The following EPB41L4A variants were observed in gnomAD, a reference collection of about 807,000 sequenced individuals.
EPB41L4A encodes erythrocyte membrane protein band 4.1 like 4A.
A neutral mutation model predicts 108.6 loss-of-function variants in EPB41L4A; 100 were observed. The ratio of observed to expected loss-of-function variants is 0.92; its 90% CI spans 0.78 to 1.09. The LOEUF (loss-of-function observed/expected upper bound fraction) is 1.09, where lower values mean the gene tolerates loss of function less well. Among genes scored for constraint, EPB41L4A ranks in the 50% least tolerant of loss-of-function variants. The pLI, the probability that EPB41L4A is intolerant of heterozygous loss-of-function variation, is 0.00. For missense variants in EPB41L4A, 1,030 were observed against 842.7 expected (o/e 1.22, Z -2.75); for synonymous variants, 319 against 289.0 (o/e 1.10, Z -1.05).
rs1043617645 is a variant in EPB41L4A, at chr5:112,259,898, A to C, written c.724T>G (p.Tyr242Asp). Residue 242 changes from tyrosine to aspartate, a missense_variant, in exon 8 of 23, where the codon TAT becomes GAT. By Grantham distance (160) the Tyr-to-Asp change is radical. Transcript: ENST00000261486. Reference protein sequence around the residue: ...VYKNKKQVGKYFWPRITKVHF... With the variant: ...VYKNKKQVGKDFWPRITKVHF... ...TTCTCAAGCCATACCTACCAGAAAT[A>C]CTTCCCCACTTGCTTTTTATTCTTG... The C allele has an allele frequency of 6.2e-7, 1 of 1,613,156 alleles. No homozygotes were observed. Among genetic ancestry groups the C allele is most frequent in the Admixed American group, 1.7e-5 (1 of 59,998 alleles).
In EPB41L4A at chr5:112,220,218, A is replaced by T. The variant is rs1747951684; in HGVS notation, c.1088-10236T>A. Among the ~76,000 whole-genome samples, 4 of 152,240 alleles carry T rather than the reference A, an allele frequency of 2.6e-5. 1 individual carries two copies. The highest frequency in any genetic ancestry group is 2.0e-4 in the Admixed American group (3 of 15,282). Reference sequence around the variant, plus strand: ...TAAAGACATCACCACTGAGTCAAAGAACTTCTAAGGAGTTAGATATCTAAC... The same window carrying T: ...TAAAGACATCACCACTGAGTCAAAGTACTTCTAAGGAGTTAGATATCTAAC... On this transcript the variant is annotated intron_variant, in intron 12 of 22. Transcript: ENST00000261486.
At chr5:112,339,489 T>TTTTTTTTTTTTTTAGACAG (rs1757138287) in intron 1 of EPB41L4A, among the ~76,000 whole-genome samples, 1 of 58,930 alleles carries the variant, frequency 1.7e-5, no homozygotes, top group African/African-American at 4.0e-5. Context: ...TATATATATA[T>TTTTTTTTTTTTTTAGACAG]ATATATCTAT....
chr5:112,405,284 T>C (rs970559504), intron 1 of EPB41L4A, among the ~76,000 whole-genome samples: 3 of 152,186 alleles, frequency 2.0e-5, no homozygotes, highest in Non-Finnish European at 4.4e-5. Flanking sequence ...GCTGCCCATA[T>C]CCACCATCTC....
At position 112,224,674 on chromosome 5, in the gene EPB41L4A, C is replaced by G. The variant is rs115968946; in HGVS notation, c.1087+9960G>C. 5.3e-3 allele frequency among the ~76,000 whole-genome samples: 810 copies of G among 152,240 alleles called. 5 individuals carry two copies. The highest frequency in any genetic ancestry group is 0.018 in the African/African-American group (761 of 41,552). On this transcript the variant is annotated intron_variant, in intron 12 of 22. Transcript: ENST00000261486. ...TTTTTTAAGCTCCCCTACCACCCCA[C>G]TAAGTCGCTTCTCAATTAAATGGCT...
At chr5:112,195,373 T>G (rs565098993) in intron 16 of EPB41L4A, among the ~76,000 whole-genome samples, 6 of 151,818 alleles carry the variant, frequency 4.0e-5, no homozygotes, top group African/African-American at 1.5e-4. Flanking sequence ...GACAGAATTA[T>G]ACTAGATAAA....
chr5:112,402,634 A>G (rs1761841010), intron 1 of EPB41L4A, among the ~76,000 whole-genome samples: 1 of 152,226 alleles, frequency 6.6e-6, no homozygotes, highest in Admixed American at 6.5e-5. Context: ...GACATTTATC[A>G]CATAAAATCA....
chr5:112,297,851 C>T (rs911585899), intron 2 of EPB41L4A, among the ~76,000 whole-genome samples: 3 of 152,136 alleles, frequency 2.0e-5, no homozygotes, highest in African/African-American at 4.8e-5. Context: ...GATCCAGTTT[C>T]ATTTTCCATC....
chr5:112,282,493 C>G (rs956113918), intron 2 of EPB41L4A, among the ~76,000 whole-genome samples: 1 of 152,208 alleles, frequency 6.6e-6, no homozygotes, highest in East Asian at 1.9e-4. Context: ...TTTATTATCT[C>G]AGAGTGCTGA....
At chr5:112,251,066 T>G (rs1355079638) in intron 9 of EPB41L4A, among the ~76,000 whole-genome samples, 1 of 152,164 alleles carries the variant, frequency 6.6e-6, no homozygotes, top group Non-Finnish European at 1.5e-5. Context: ...TCTGAAAGAC[T>G]CCAAACCCAA....
intron 9 of EPB41L4A, among the ~76,000 whole-genome samples, chr5:112,243,292 T>TTTG (rs774515695): frequency 6.8e-6 from 1 of 147,266 alleles, no homozygotes; most frequent in Non-Finnish European, 1.5e-5. Flanking sequence ...TATATATATA[T>TTTG]TTTGTTTGTT....
At chr5:112,269,651 A>C (rs1311611599) in intron 4 of EPB41L4A, among the ~76,000 whole-genome samples, 3 of 152,104 alleles carry the variant, frequency 2.0e-5, no homozygotes, top group Non-Finnish European at 4.4e-5. Flanking sequence ...TGAATATATA[A>C]TTATTAATAA....
intron 2 of EPB41L4A, among the ~76,000 whole-genome samples, chr5:112,297,635 A>C (rs1754082825): frequency 6.6e-6 from 1 of 152,100 alleles, no homozygotes; most frequent in South Asian, 2.1e-4. Flanking sequence ...TCTTTAGTTT[A>C]ATTAAGTCTC....
At chr5:112,306,344 C>G (rs1340373438) in intron 2 of EPB41L4A, among the ~76,000 whole-genome samples, 2 of 152,106 alleles carry the variant, frequency 1.3e-5, no homozygotes, top group African/African-American at 4.8e-5. Flanking sequence ...GACCACTAGC[C>G]TTTAGAAAGT....
At chr5:112,415,679 C>T (rs1762670622) in intron 1 of EPB41L4A, among the ~76,000 whole-genome samples, 1 of 152,134 alleles carries the variant, frequency 6.6e-6, no homozygotes, top group African/African-American at 2.4e-5. Context: ...ACAAAAGTTT[C>T]CCAGAACATT....
chr5:112,352,644 G>A (rs542494993), intron 1 of EPB41L4A, among the ~76,000 whole-genome samples: 26 of 152,182 alleles, frequency 1.7e-4, no homozygotes, highest in Middle Eastern at 3.4e-3. Context: ...GTTGTTTTCC[G>A]TTTTGTTTAT....
intron 12 of EPB41L4A, among the ~76,000 whole-genome samples, chr5:112,218,021 G>A (rs1307704276): frequency 6.6e-6 from 1 of 152,112 alleles, no homozygotes; most frequent in East Asian, 1.9e-4. Flanking sequence ...TGCACATAAA[G>A]GCACTTCCTC....
chr5:112,214,656 C>T (rs1260887416), intron 12 of EPB41L4A, among the ~76,000 whole-genome samples: 1 of 152,102 alleles, frequency 6.6e-6, no homozygotes, highest in Admixed American at 6.5e-5. Context: ...GTCCCAGCTA[C>T]TCGGGAGGCT....
intron 12 of EPB41L4A, among the ~76,000 whole-genome samples, chr5:112,227,333 C>T (rs1485933936): frequency 6.6e-6 from 1 of 152,132 alleles, no homozygotes; most frequent in Non-Finnish European, 1.5e-5. Flanking sequence ...GCCATTACAG[C>T]GAATATACCT....
Position 112,170,944 on chromosome 5 carries a change from CTGAA to C in EPB41L4A, c.1667_1670del (p.Ile556LysfsTer15), listed in dbSNP as rs756534597. On this transcript the variant is annotated frameshift_variant and splice_region_variant, in exon 19 of 23. Transcript: ENST00000261486. LOFTEE classifies it high-confidence loss of function. ...CAATAAGAAAGAAAACTATTACTCACTGAATGTGCTTCCATAACTCTTCTTTTGC... is the reference window on the plus strand; with the variant it reads ...CAATAAGAAAGAAAACTATTACTCACTGTGCTTCCATAACTCTTCTTTTGC... 6.2e-7 allele frequency: 1 copy of C among 1,613,034 alleles called. No individual in the cohort carries two copies. Among genetic ancestry groups the C allele is most frequent in the South Asian group, 1.1e-5 (1 of 91,052 alleles).
Sources: allele counts gnomAD v4.1 joint callset (sites outside exome capture counted in the v4.1 genomes callset), GRCh38; gene constraint gnomAD v4.1.1; transcripts MANE v1.5; gene names NCBI Gene and HGNC (gene_info 2026-07-23, HGNC 2026-07-21).